CFDP1: variants seen among roughly 807,000 people sequenced by gnomAD.
CFDP1 encodes the protein chromatin remodeling protein CFDP1.
A neutral mutation model predicts 40.1 loss-of-function variants in CFDP1; 31 were observed. The ratio of observed to expected loss-of-function variants is 0.77; its 90% confidence interval spans 0.58 to 1.04. CFDP1 has a LOEUF of 1.04. Ranked by LOEUF, CFDP1 falls within the 50% of genes least tolerant of loss-of-function variation. The probability of loss-of-function intolerance (pLI) is 0.00; values close to 1 mark genes in which losing one functional copy is unlikely to be tolerated. For missense variants in CFDP1, 423 were observed against 343.4 expected (o/e 1.23, Z -1.83); for synonymous variants, 167 against 120.0 (o/e 1.39, Z -2.56).
chr16:75,312,908 C>T (rs1483223632), intron 5 of CFDP1, among the ~76,000 whole-genome samples: 1 of 152,172 alleles, frequency 6.6e-6, no homozygotes, highest in Admixed American at 6.5e-5. Context: ...TAATCAAGGA[C>T]ATTCATTCTG....
In CFDP1 at chr16:75,433,492, A is replaced by G. The variant is rs2079454070; in HGVS notation, c.-140T>C. Reference sequence around the variant, plus strand: ...CCCCGACAGCGCTTTGCACATGCGCAGAGAGTACTACGTGGTTGCCCTACG... The same window carrying G: ...CCCCGACAGCGCTTTGCACATGCGCGGAGAGTACTACGTGGTTGCCCTACG... On this transcript the variant is annotated 5_prime_UTR_variant, in exon 1 of 7. Transcript: ENST00000283882. The G allele has an allele frequency of 4.1e-6, 3 of 730,396 alleles. No homozygotes were observed. The highest frequency in any genetic ancestry group is 7.0e-6 in the Non-Finnish European group (3 of 430,146). 45.2% of individuals were successfully genotyped at this position (730,396 alleles called of 1,614,324 possible).
intron 6 of CFDP1, among the ~76,000 whole-genome samples, chr16:75,295,333 T>C (rs1406738280): frequency 6.6e-6 from 1 of 152,218 alleles, no homozygotes; most frequent in Non-Finnish European, 1.5e-5. Flanking sequence ...GTTCTGTCAT[T>C]TGCTGTCTGT....
intron 5 of CFDP1, among the ~76,000 whole-genome samples, chr16:75,307,613 C>T (rs940584758): frequency 2.6e-5 from 4 of 152,252 alleles, no homozygotes; most frequent in East Asian, 1.9e-4. Context: ...GGCTAGAGTA[C>T]ACCAGTGAAA....
intron 5 of CFDP1, among the ~76,000 whole-genome samples, chr16:75,387,827 T>C (rs2078912457): frequency 6.6e-6 from 1 of 151,492 alleles, no homozygotes; most frequent in Non-Finnish European, 1.5e-5. Flanking sequence ...ACTTATTTTT[T>C]AAAATGTGCT....
chr16:75,369,079 G>C (rs1312151928), intron 5 of CFDP1, among the ~76,000 whole-genome samples: 2 of 152,028 alleles, frequency 1.3e-5, no homozygotes, highest in Non-Finnish European at 2.9e-5. Flanking sequence ...TTCAAGGTTT[G>C]GTTAAAAATA....
intron 6 of CFDP1, among the ~76,000 whole-genome samples, chr16:75,303,239 G>A (rs950159863): frequency 6.6e-6 from 1 of 150,892 alleles, no homozygotes; most frequent in African/African-American, 2.4e-5. Context: ...GTAGGCGCGC[G>A]CCTGTAATCC....
At chr16:75,335,541 T>C (rs548496994) in intron 5 of CFDP1, among the ~76,000 whole-genome samples, 2 of 151,734 alleles carry the variant, frequency 1.3e-5, no homozygotes, top group African/African-American at 4.9e-5. Flanking sequence ...ATAAGCACTT[T>C]TGACAAATCT....
chr16:75,429,119 AAAAAAAG>A (rs968567543), intron 1 of CFDP1, among the ~76,000 whole-genome samples: 13 of 152,138 alleles, frequency 8.5e-5, no homozygotes, highest in African/African-American at 3.1e-4. Flanking sequence ...TCTGTCTCGA[AAAAAAAG>A]AAAAAAGAAA....
intron 5 of CFDP1, among the ~76,000 whole-genome samples, chr16:75,335,778 G>A (rs1433621078): frequency 6.6e-6 from 1 of 151,946 alleles, no homozygotes; most frequent in Non-Finnish European, 1.5e-5. Context: ...GGATGGTCTC[G>A]ATCTCCTGAC....
chr16:75,353,848 A>T (rs1567654735), intron 5 of CFDP1, among the ~76,000 whole-genome samples: 1 of 151,792 alleles, frequency 6.6e-6, no homozygotes, highest in Non-Finnish European at 1.5e-5. Flanking sequence ...ATGATAAAAA[A>T]TTCCTTAACA....
In CFDP1 at chr16:75,383,105, T is replaced by C. The variant is rs114590972; in HGVS notation, c.650+11985A>G. ...CCATATCCTCAATGATGGGAAAATA[T>C]TGGCCTAGCTTTAAATTATTTCAGC... On this transcript the variant is annotated intron_variant, in intron 5 of 6. Coordinates refer to ENST00000283882, the MANE Select transcript of CFDP1 (RefSeq NM_006324.3). Among the ~76,000 whole-genome samples, 926 of 152,330 alleles carry C rather than the reference T, an allele frequency of 6.1e-3. 12 individuals carry two copies. The highest frequency in any genetic ancestry group is 0.02 in the African/African-American group (835 of 41,562).
intron 4 of CFDP1, among the ~76,000 whole-genome samples, chr16:75,397,997 G>C (rs1265533934): frequency 6.6e-6 from 1 of 152,170 alleles, no homozygotes; most frequent in Non-Finnish European, 1.5e-5. Context: ...GTCATAAGGA[G>C]AATACACCTC....
chr16:75,429,434 A>G (rs1040762153), intron 1 of CFDP1, among the ~76,000 whole-genome samples: 1 of 152,090 alleles, frequency 6.6e-6, no homozygotes. Context: ...AGGGCGGATC[A>G]CCTGAGGTCA....
intron 5 of CFDP1, among the ~76,000 whole-genome samples, chr16:75,355,462 CAGG>C (rs1406599383): frequency 2.0e-5 from 3 of 152,264 alleles, no homozygotes; most frequent in South Asian, 2.1e-4. Flanking sequence ...GCATCTTCAC[CAGG>C]AGTAGATTCC....
intron 4 of CFDP1, among the ~76,000 whole-genome samples, chr16:75,404,894 G>C (rs183624590): frequency 1.3e-5 from 2 of 152,282 alleles, no homozygotes; most frequent in African/African-American, 2.4e-5. Context: ...TGGACTTCTA[G>C]ACTGGATTTT....
At chr16:75,426,536 C>A (rs1057033015) in intron 1 of CFDP1, among the ~76,000 whole-genome samples, 7 of 152,050 alleles carry the variant, frequency 4.6e-5, no homozygotes, top group Non-Finnish European at 1.0e-4. Flanking sequence ...GCAGGCCAGG[C>A]ATGGTGTCTC....
intron 5 of CFDP1, among the ~76,000 whole-genome samples, chr16:75,341,179 G>A (rs926080279): frequency 3.9e-5 from 6 of 152,060 alleles, no homozygotes; most frequent in African/African-American, 1.2e-4. Flanking sequence ...TCCTGACAAG[G>A]CACCAGTTTT....
chr16:75,391,962 C>T (rs1808434), intron 5 of CFDP1, among the ~76,000 whole-genome samples: 78,796 of 151,364 alleles, frequency 0.52, 21,509 homozygotes, highest in Admixed American at 0.64. Context: ...AGCAAGACTC[C>T]GTCTCAAAAA....
chr16:75,349,633 A>G (rs1316193920), intron 5 of CFDP1, among the ~76,000 whole-genome samples: 1 of 127,728 alleles, frequency 7.8e-6, no homozygotes, highest in East Asian at 2.7e-4. Context: ...CCTGGGCGAC[A>G]GAGCGAGACT....
Sources: allele counts gnomAD v4.1 joint callset (sites outside exome capture counted in the v4.1 genomes callset), GRCh38; gene constraint gnomAD v4.1.1; transcripts MANE v1.5; gene names NCBI Gene and HGNC (gene_info 2026-07-23, HGNC 2026-07-21).